The following FBXO25 variants were observed in gnomAD, a reference collection of about 807,000 sequenced individuals.
FBXO25 encodes F-box protein 25, also known as F-box only protein 25.
FBXO25 carries 45 observed loss-of-function variants against 51.9 expected under a neutral mutation model. That is an observed-to-expected ratio of 0.87 (90% confidence interval 0.68 to 1.11). The LOEUF is 1.11. Among genes scored for constraint, FBXO25 ranks in the 50% most tolerant of loss-of-function variants. The probability of loss-of-function intolerance (pLI) is 0.00; values close to 1 mark genes in which losing one functional copy is unlikely to be tolerated. For synonymous variants in FBXO25, 199 were observed against 151.0 expected, an observed-to-expected ratio of 1.32 and a Z score of -2.33; for missense variants, 507 against 428.5, an observed-to-expected ratio of 1.18 and a Z score of -1.62.
chr8:413,953 A>C (rs1796644028), intron 2 of FBXO25, among the ~76,000 whole-genome samples: 1 of 152,140 alleles, frequency 6.6e-6, no homozygotes, highest in Non-Finnish European at 1.5e-5. Flanking sequence ...GTGGTGTTTG[A>C]GAATTTGGAG....
intron 2 of FBXO25, among the ~76,000 whole-genome samples, chr8:417,011 T>G (rs1318766020): frequency 6.6e-6 from 1 of 152,080 alleles, no homozygotes; most frequent in Non-Finnish European, 1.5e-5. Flanking sequence ...GCAGGATGAA[T>G]GGATATCTGA....
intron 9 of FBXO25, chr8:468,023 C>T (rs1800297899): frequency 7.7e-7 from 1 of 1,298,746 alleles, no homozygotes; most frequent in Non-Finnish European, 9.8e-7. Context: ...CCTGGTTTGG[C>T]AGCACTGCCA....
chr8:463,952 C>A (rs1053510584), intron 9 of FBXO25, among the ~76,000 whole-genome samples: 5 of 150,918 alleles, frequency 3.3e-5, no homozygotes, highest in African/African-American at 1.2e-4. Context: ...CCACACCCAG[C>A]TAATTCACTT....
intron 5 of FBXO25, among the ~76,000 whole-genome samples, chr8:443,271 A>G (rs1332497648): frequency 2.7e-5 from 4 of 150,462 alleles, no homozygotes; most frequent in African/African-American, 9.9e-5. Context: ...TATCCGAATT[A>G]TATTGGAAGT....
In FBXO25 at chr8:475,688, T is replaced by G. The variant is rs770865420; in HGVS notation, c.*6884T>G. The stretch of plus-strand genomic sequence containing the variant: ...TTTTTGTTACTATTATAATGGAATT[T>G]TCTTAAATTTCCTTTTGAGATTGCT... On this transcript the variant is annotated 3_prime_UTR_variant, in exon 10 of 10. Transcript: ENST00000350302. 2.6e-5 allele frequency: 4 copies of G among 152,216 alleles called. No individual in the cohort carries two copies. Among genetic ancestry groups the G allele is most frequent in the Non-Finnish European group, 5.9e-5 (4 of 68,022 alleles). 9.4% of individuals were successfully genotyped at this position (152,216 alleles called of 1,614,324 possible).
intron 3 of FBXO25, among the ~76,000 whole-genome samples, chr8:432,624 T>C (rs1207979223): frequency 1.3e-5 from 2 of 152,214 alleles, no homozygotes; most frequent in African/African-American, 4.8e-5. Context: ...ATCATTTATG[T>C]CTTCATATGG....
chr8:424,604 A>G (rs1229822897), intron 2 of FBXO25, among the ~76,000 whole-genome samples: 1 of 152,166 alleles, frequency 6.6e-6, no homozygotes, highest in Non-Finnish European at 1.5e-5. Flanking sequence ...TTCCAACACC[A>G]TATATTGAAT....
chr8:439,456 A>C (rs1022549664), intron 5 of FBXO25, among the ~76,000 whole-genome samples: 2 of 152,188 alleles, frequency 1.3e-5, no homozygotes, highest in Non-Finnish European at 2.9e-5. Flanking sequence ...TTATATATCT[A>C]ATTTTGGTTA....
chr8:418,587 G>A (rs1324983619), intron 2 of FBXO25, among the ~76,000 whole-genome samples: 2 of 151,988 alleles, frequency 1.3e-5, no homozygotes, highest in African/African-American at 2.4e-5. Context: ...TGATGCACCC[G>A]CCTCAGCCTC....
intron 5 of FBXO25, among the ~76,000 whole-genome samples, chr8:441,904 G>C (rs1004036960): frequency 6.6e-6 from 1 of 152,230 alleles, no homozygotes; most frequent in Non-Finnish European, 1.5e-5. Context: ...CTTTTACACT[G>C]TTGGTGGGAG....
chr8:410,141 A>G (rs914294554), intron 1 of FBXO25, among the ~76,000 whole-genome samples: 6 of 152,166 alleles, frequency 3.9e-5, no homozygotes, highest in Admixed American at 2.0e-4. Context: ...TTTCTGCTCA[A>G]ATTAACTTTA....
chr8:463,698 G>A lies in FBXO25; in HGVS notation c.987+548G>A, dbSNP rs538376459. Among the ~76,000 whole-genome samples the A allele has an allele frequency of 2.2e-4, 33 of 152,316 alleles. No homozygotes were observed. The South Asian group carries it at 2.5e-3, about 11-fold the overall frequency. On this transcript the variant is annotated intron_variant, in intron 9 of 9. Coordinates refer to ENST00000350302, the MANE Select transcript of FBXO25 (RefSeq NM_183420.2). The stretch of plus-strand genomic sequence containing the variant: ...ATGATCAGAACTTAACAAGACTATC[G>A]TTACTTATCTGCAAGTCTCATCCCT...
chr8:435,804 T>C, intron 5 of FBXO25, 97 bp downstream of exon 5: 1 of 1,509,836 alleles, frequency 6.6e-7, no homozygotes, highest in African/African-American at 1.4e-5. Context: ...TTTTGGCAGC[T>C]TGAAGGTGTG....
At chr8:421,438 G>C (rs938850753) in intron 2 of FBXO25, among the ~76,000 whole-genome samples, 3 of 152,212 alleles carry the variant, frequency 2.0e-5, no homozygotes, top group African/African-American at 7.2e-5. Context: ...TAAGGCTAAA[G>C]ACAAAACCTG....
At chr8:420,258 A>G (rs1299487325) in intron 2 of FBXO25, 1 of 152,252 alleles carries the variant, frequency 6.6e-6, no homozygotes, top group African/African-American at 2.4e-5. Context: ...TCAGTAGCTA[A>G]GATGAAAGAA....
chr8:416,881 G>A (rs1268110408), intron 2 of FBXO25, among the ~76,000 whole-genome samples: 20 of 152,230 alleles, frequency 1.3e-4, no homozygotes, highest in Admixed American at 1.3e-3. Flanking sequence ...GTTCCGCAGT[G>A]TAGTAAGTGT....
Position 451,330 on chromosome 8 carries a change from C to G in FBXO25, c.537C>G (p.Thr179=), listed in dbSNP as rs149790925. 4 of 1,613,704 alleles carry G rather than the reference C, an allele frequency of 2.5e-6. No homozygotes were observed. Among genetic ancestry groups the G allele is most frequent in the Non-Finnish European group, 3.4e-6 (4 of 1,179,918 alleles). The part of the protein sequence containing the change: ...IKDLLQDLSS[T]LCILIRGVGK... ...ATCTTCTGCAAGACCTAAGCTCTAC[C>G]CTCTGCATTCTTATTAGAGGAGTAG... is the stretch of plus-strand genomic sequence containing the variant. Residue 179 remains threonine, a synonymous_variant, in exon 7 of 10, where the codon ACC becomes ACG. Coordinates refer to ENST00000350302, the MANE Select transcript of FBXO25 (RefSeq NM_183420.2).
intron 2 of FBXO25, among the ~76,000 whole-genome samples, chr8:413,974 G>A (rs1796644963): frequency 6.6e-6 from 1 of 152,142 alleles, no homozygotes; most frequent in Non-Finnish European, 1.5e-5. Flanking sequence ...GGCTAGGAAG[G>A]TCTTGAGATA....
chr8:425,432 G>C (rs1005915134), intron 2 of FBXO25, among the ~76,000 whole-genome samples: 25 of 149,338 alleles, frequency 1.7e-4, no homozygotes, highest in Non-Finnish European at 3.3e-4. Context: ...GATACCTAGT[G>C]GTTTGTTTTG....
Sources: gnomAD v4.1 joint callset for allele counts (sites outside exome capture counted in the v4.1 genomes callset) on GRCh38, gnomAD v4.1.1 for gene constraint, MANE v1.5 for transcripts, NCBI Gene and HGNC (gene_info 2026-07-23, HGNC 2026-07-21) for gene names.